The following SUSD1 variants were observed in gnomAD, a reference collection of about 807,000 sequenced individuals.
SUSD1 encodes the protein sushi domain-containing protein 1.
A neutral mutation model predicts 86.9 loss-of-function variants in SUSD1; 65 were observed. The ratio of observed to expected loss-of-function variants is 0.75; its 90% CI spans 0.61 to 0.92. SUSD1 has a LOEUF of 0.92. Ranked by LOEUF, SUSD1 falls within the 40% of genes least tolerant of loss-of-function variation. The probability of loss-of-function intolerance (pLI) is 0.00; values close to 1 mark genes in which losing one functional copy is unlikely to be tolerated. For synonymous variants in SUSD1, 346 were observed against 350.0 expected (o/e 0.99, Z 0.13); for missense variants, 850 against 929.7 (o/e 0.91, Z 1.11).
chr9:112,119,303 G>A (rs1467312347), intron 6 of SUSD1, among the ~76,000 whole-genome samples: 2 of 152,138 alleles, frequency 1.3e-5, no homozygotes, highest in South Asian at 2.1e-4. Flanking sequence ...CAATACATCC[G>A]GCCATGTGGC....
At chr9:112,089,850 A>C (rs1328870534) in intron 10 of SUSD1, among the ~76,000 whole-genome samples, 5 of 151,752 alleles carry the variant, frequency 3.3e-5, no homozygotes, top group African/African-American at 9.7e-5. Context: ...AAAGAAAAGA[A>C]AGCAGAAATA....
chr9:112,076,878 C>T (rs1426638123), intron 12 of SUSD1, among the ~76,000 whole-genome samples: 1 of 152,094 alleles, frequency 6.6e-6, no homozygotes, highest in Non-Finnish European at 1.5e-5. Flanking sequence ...CAGATAAGAA[C>T]AAAACTGGCC....
chr9:112,055,483 TATAAG>T (rs1230400524), intron 14 of SUSD1, among the ~76,000 whole-genome samples: 1 of 152,120 alleles, frequency 6.6e-6, no homozygotes, highest in East Asian at 1.9e-4. Context: ...GGATGCCTAT[TATAAG>T]AAAAGAAAAC....
intron 8 of SUSD1, among the ~76,000 whole-genome samples, chr9:112,111,231 T>A (rs1831083356): frequency 6.6e-6 from 1 of 152,072 alleles, no homozygotes; most frequent in African/African-American, 2.4e-5. Context: ...TGACCTCAAG[T>A]GATCTGCCCA....
Position 112,062,983 on chromosome 9 carries a change from G to A in SUSD1, c.1804C>T (p.Pro602Ser). The change falls in exon 13 of 17, where the codon CCA becomes TCA. Residue 602 changes from proline to serine, a missense_variant. Coordinates refer to ENST00000374270, the MANE Select transcript of SUSD1 (RefSeq NM_022486.5). ...TTGGCTTTCCTCAGTCTGAGGCGTGGTAGAGGTCCTCTGTGCACCGTAAAA... is the reference window on the plus strand; with the variant it reads ...TTGGCTTTCCTCAGTCTGAGGCGTGATAGAGGTCCTCTGTGCACCGTAAAA... ...EFFTVHRGPL[P>S]RLRLRKAKEK... is the part of the protein sequence containing the mutation. 1 of 1,613,656 alleles carries A rather than the reference G, an allele frequency of 6.2e-7. No homozygotes were observed. Among genetic ancestry groups the A allele is most frequent in the Non-Finnish European group, 8.5e-7 (1 of 1,179,720 alleles).
rs372118612 is a variant in SUSD1, at chr9:112,047,398, G to A, written c.2149+5001C>T. 7.9e-4 allele frequency among the ~76,000 whole-genome samples: 120 copies of A among 152,266 alleles called. 1 individual carries two copies. In the South Asian group the frequency reaches 0.021, roughly 26 times the overall value. The stretch of plus-strand genomic sequence containing the variant: ...TTGGGTGGGTACATAGAAGAAAACC[G>A]TATTAGGGCCTTACGAGGCTAGAAT... On this transcript the variant is annotated intron_variant, in intron 15 of 16. Transcript: ENST00000374270.
At position 112,061,812 on chromosome 9, in the gene SUSD1, CT is replaced by C. The variant is rs78974539; in HGVS notation, c.1850+1124del. 5.8e-3 allele frequency among the ~76,000 whole-genome samples: 846 copies of C among 145,598 alleles called. 8 individuals are homozygous for C. The highest frequency in any genetic ancestry group is 0.016 in the African/African-American group (640 of 39,968). On this transcript the variant is annotated intron_variant, in intron 13 of 16. Transcript: ENST00000374270. ...TTTTTTGTAATTTTATAATATCTCACTTTTTTTTTTTTAACCTTGATTTTAC... is the reference window on the plus strand; with the variant it reads ...TTTTTTGTAATTTTATAATATCTCACTTTTTTTTTTTAACCTTGATTTTAC...
intron 5 of SUSD1, among the ~76,000 whole-genome samples, chr9:112,130,848 C>CAA (rs35275299): frequency 0.23 from 26,618 of 117,708 alleles, 3,276 homozygotes; most frequent in African/African-American, 0.37. Flanking sequence ...AACATCTCTA[C>CAA]AAAAAAAAAA....
chr9:112,130,539 G>A (rs1831978457), intron 5 of SUSD1, among the ~76,000 whole-genome samples: 1 of 148,832 alleles, frequency 6.7e-6, no homozygotes, highest in South Asian at 2.1e-4. Context: ...AGAAAGGAAG[G>A]AAAGGAAGGA....
intron 12 of SUSD1, among the ~76,000 whole-genome samples, chr9:112,070,045 G>A (rs113242800): frequency 0.011 from 1,686 of 152,002 alleles, 29 homozygotes; most frequent in African/African-American, 0.034. Context: ...CGCTCTTGTC[G>A]CCCAGGCTGG....
chr9:112,048,396 C>T (rs548230910), intron 15 of SUSD1, among the ~76,000 whole-genome samples: 1 of 152,208 alleles, frequency 6.6e-6, no homozygotes, highest in East Asian at 1.9e-4. Context: ...TACATATATA[C>T]ACATATATGT....
chr9:112,088,802 AAC>A (rs945664527), intron 10 of SUSD1, among the ~76,000 whole-genome samples: 28 of 151,728 alleles, frequency 1.8e-4, no homozygotes, highest in African/African-American at 6.5e-4. Context: ...CAAACAAACA[AAC>A]AAACAAAAAC....
At chr9:112,161,450 G>C (rs1428076370) in intron 1 of SUSD1, among the ~76,000 whole-genome samples, 1 of 151,888 alleles carries the variant, frequency 6.6e-6, no homozygotes, top group Non-Finnish European at 1.5e-5. Context: ...TGGATCCTGG[G>C]TCAAGTTGAA....
chr9:112,069,872 C>G (rs1042396788), intron 12 of SUSD1, among the ~76,000 whole-genome samples: 19 of 152,228 alleles, frequency 1.2e-4, no homozygotes, highest in Middle Eastern at 3.4e-3. Flanking sequence ...TCACTCTTTC[C>G]CAATCTAGAG....
intron 10 of SUSD1, among the ~76,000 whole-genome samples, chr9:112,094,579 A>G: frequency 6.6e-6 from 1 of 152,226 alleles, no homozygotes; most frequent in East Asian, 1.9e-4. Flanking sequence ...GATTTTCCCC[A>G]TCTCTGAAAA....
intron 10 of SUSD1, among the ~76,000 whole-genome samples, chr9:112,085,942 A>G (rs1829956139): frequency 6.6e-6 from 1 of 152,138 alleles, no homozygotes; most frequent in African/African-American, 2.4e-5. Flanking sequence ...CAAAAATAAA[A>G]TAAAATAAAA....
intron 6 of SUSD1, among the ~76,000 whole-genome samples, chr9:112,114,008 A>G (rs1335007089): frequency 6.6e-6 from 1 of 152,166 alleles, no homozygotes; most frequent in African/African-American, 2.4e-5. Context: ...ATACAATCTT[A>G]TATACTTCTA....
At position 112,113,636 on chromosome 9, in the gene SUSD1, G is replaced by A. The variant is rs186909841; in HGVS notation, c.887-768C>T. On this transcript the variant is annotated intron_variant, in intron 6 of 16. Coordinates refer to ENST00000374270, the MANE Select transcript of SUSD1 (RefSeq NM_022486.5). This position sits in a 1 kb window ranked among gnomAD's most constrained non-coding sequence, Gnocchi z 4.1. ...AGGGGATCTAGCTTTTTATTTCTTTGAAATCAAATTCCCAGCCGAGTGCAG... is the reference window on the plus strand; with the variant it reads ...AGGGGATCTAGCTTTTTATTTCTTTAAAATCAAATTCCCAGCCGAGTGCAG... Among the ~76,000 whole-genome samples the A allele has an allele frequency of 7.8e-4, 118 of 152,208 alleles. 2 individuals carry two copies. Among genetic ancestry groups the A allele is most frequent in the African/African-American group, 2.6e-3 (110 of 41,554 alleles).
At chr9:112,051,274 T>C (rs973637912) in intron 15 of SUSD1, among the ~76,000 whole-genome samples, 1 of 152,220 alleles carries the variant, frequency 6.6e-6, no homozygotes, top group Non-Finnish European at 1.5e-5. Context: ...AAGAGGAAGA[T>C]GCTATCCCCA....
Sources: allele counts gnomAD v4.1 joint callset (sites outside exome capture counted in the v4.1 genomes callset), GRCh38; gene constraint gnomAD v4.1.1; non-coding constraint Gnocchi (gnomAD v3.1); transcripts MANE v1.5; gene names NCBI Gene and HGNC (gene_info 2026-07-23, HGNC 2026-07-21).